The following THRAP3 variants were observed in gnomAD, a reference collection of about 807,000 sequenced individuals.
THRAP3 encodes the protein thyroid hormone receptor-associated protein 3.
THRAP3 carries 16 observed loss-of-function variants against 101.0 expected under a neutral mutation model. That is an observed-to-expected ratio of 0.16 (90% confidence interval 0.11 to 0.24). THRAP3 has a LOEUF of 0.24. Among genes scored for constraint, THRAP3 ranks in the 10% least tolerant of loss-of-function variants. THRAP3 has a pLI of 1.00. For missense variants in THRAP3, 989 were observed against 1,202.7 expected (o/e 0.82, Z 2.63); for synonymous variants, 407 against 422.6 (o/e 0.96, Z 0.45).
chr1:36,239,257 CTTTTTT>C (rs34860552), intron 1 of THRAP3, among the ~76,000 whole-genome samples: 4 of 108,210 alleles, frequency 3.7e-5, no homozygotes, highest in Non-Finnish European at 5.5e-5. Context: ...CCAGGCTGGT[CTTTTTT>C]TTTTTTTTTT....
At chr1:36,244,381 G>T (rs896862144) in intron 1 of THRAP3, among the ~76,000 whole-genome samples, 2 of 152,058 alleles carry the variant, frequency 1.3e-5, no homozygotes. Flanking sequence ...ATTAAAAAAA[G>T]AAAAAGTCTT....
intron 9 of THRAP3, among the ~76,000 whole-genome samples, chr1:36,298,771 C>T (rs1645986415): frequency 6.6e-6 from 1 of 152,072 alleles, no homozygotes; most frequent in Admixed American, 6.6e-5. Context: ...CCTCCCAAAG[C>T]ATGGGATTAC....
the THRAP3 span, among the ~76,000 whole-genome samples, chr1:36,213,029 C>T: frequency 6.6e-6 from 1 of 152,138 alleles, no homozygotes; most frequent in Non-Finnish European, 1.5e-5. Flanking sequence ...ATGACTGGAA[C>T]ACTGTGTATG....
chr1:36,282,772 T>G (rs1462306209), intron 3 of THRAP3, 72 bp downstream of exon 3: 2 of 1,575,340 alleles, frequency 1.3e-6, no homozygotes, highest in East Asian at 4.5e-5. Context: ...AGATCTTTTG[T>G]TAGACTTTTC....
chr1:36,287,343 AAGTT>A (rs1463832712), intron 4 of THRAP3, 73 bp downstream of exon 4: 14 of 1,466,762 alleles, frequency 9.5e-6, no homozygotes, highest in South Asian at 8.5e-5. Context: ...AATGTGATCT[AAGTT>A]AGAGCTCTGA....
At chr1:36,300,299 A>G (rs1285115021) in intron 9 of THRAP3, among the ~76,000 whole-genome samples, 1 of 152,220 alleles carries the variant, frequency 6.6e-6, no homozygotes, top group Non-Finnish European at 1.5e-5. Flanking sequence ...GAGCTAGGTT[A>G]GAATCCAGAC....
chr1:36,210,726 T>TCATATATATATATA, the THRAP3 span, among the ~76,000 whole-genome samples: 1 of 1,850 alleles, frequency 5.4e-4, no homozygotes, highest in African/African-American at 1.1e-3. Flanking sequence ...TATATATATA[T>TCATATATATATATA]ATATATATAT....
intron 1 of THRAP3, among the ~76,000 whole-genome samples, chr1:36,253,944 A>G (rs1379544947): frequency 6.6e-6 from 1 of 151,346 alleles, no homozygotes; most frequent in Non-Finnish European, 1.5e-5. Flanking sequence ...AACATTATCA[A>G]CTCTGCAGCA....
intron 1 of THRAP3, among the ~76,000 whole-genome samples, chr1:36,237,033 A>G (rs6425972): frequency 0.95 from 143,903 of 152,194 alleles, 68,577 homozygotes; most frequent in Middle Eastern, 1. Context: ...AAAATTAGCC[A>G]GGCGTGGTGG....
intron 10 of THRAP3, among the ~76,000 whole-genome samples, 182 bp downstream of exon 10, chr1:36,301,266 TAATCACTTAGCTAG>T (rs1247423431): frequency 6.6e-6 from 1 of 152,228 alleles, no homozygotes; most frequent in African/African-American, 2.4e-5. Flanking sequence ...TTTCTGTTCA[TAATCACTTAGCTAG>T]AAAGCCTCTT....
chr1:36,211,742 T>C, the THRAP3 span, among the ~76,000 whole-genome samples: 3 of 152,266 alleles, frequency 2.0e-5, no homozygotes, highest in African/African-American at 7.2e-5. Context: ...ACTAGAGTGT[T>C]TGGTTTGCTT....
At chr1:36,295,545 T>TTTCC (rs55705007) in intron 8 of THRAP3, among the ~76,000 whole-genome samples, 2,267 of 145,390 alleles carry the variant, frequency 0.016, 45 homozygotes, top group African/African-American at 0.034. Context: ...AGAGAAGTTT[T>TTTCC]TTCCTTCCTT....
At chr1:36,240,747 T>A (rs1645145285) in intron 1 of THRAP3, among the ~76,000 whole-genome samples, 1 of 152,180 alleles carries the variant, frequency 6.6e-6, no homozygotes, top group Non-Finnish European at 1.5e-5. Flanking sequence ...TTTTTTTTCT[T>A]GTGTATATTT....
chr1:36,212,422 T>C, the THRAP3 span, among the ~76,000 whole-genome samples: 507 of 145,996 alleles, frequency 3.5e-3, 2 homozygotes, highest in East Asian at 0.011. Flanking sequence ...TTCTTTCTTT[T>C]TTTTTTTTTT....
chr1:36,241,626 T>C (rs566040595), intron 1 of THRAP3, among the ~76,000 whole-genome samples: 55 of 150,404 alleles, frequency 3.7e-4, no homozygotes, highest in African/African-American at 1.3e-3. Context: ...TTGCCCAGGC[T>C]GGAGTGCAGT....
chr1:36,301,645 G>T lies in THRAP3; in HGVS notation c.2595G>T (p.Arg865=), dbSNP rs775894932. The T allele has an allele frequency of 6.2e-7, 1 of 1,614,028 alleles. No homozygotes were observed. Among genetic ancestry groups the T allele is most frequent in the Non-Finnish European group, 8.5e-7 (1 of 1,180,036 alleles). ...NSNNDFQKRN[R]EEEWDPEYTP... ...ACAACGATTTTCAAAAAAGAAACCG[G>T]GAAGAGGAGTGGGACCCAGAGTACA... Residue 865 remains arginine (R), a synonymous_variant, in exon 11 of 12, where the codon CGG becomes CGT. Coordinates refer to ENST00000354618, the MANE Select transcript of THRAP3 (RefSeq NM_005119.4).
At chr1:36,245,459 A>G (rs1301752334) in intron 1 of THRAP3, among the ~76,000 whole-genome samples, 1 of 152,104 alleles carries the variant, frequency 6.6e-6, no homozygotes, top group African/African-American at 2.4e-5. Flanking sequence ...GTGAGCCACC[A>G]CGCCTGGGTC....
chr1:36,304,646 C>T lies in THRAP3; in HGVS notation c.*629C>T, dbSNP rs1646076352. 1 of 221,324 alleles carries T rather than the reference C, an allele frequency of 4.5e-6. No individual in the cohort carries two copies. The highest frequency in any genetic ancestry group is 6.5e-5 in the East Asian group (1 of 15,270). The allele number at this position is 221,324 out of a possible 1,614,324, so 13.7% of individuals were successfully genotyped here. ...AGGAGGAGTTTAAGGCCTTTCCGAC[C>T]ACCTTGTGTTCCCCTTTTCTGCGCA... is the stretch of plus-strand genomic sequence containing the variant. On this transcript the variant is annotated 3_prime_UTR_variant, in exon 12 of 12. Coordinates refer to ENST00000354618, the MANE Select transcript of THRAP3 (RefSeq NM_005119.4).
intron 11 of THRAP3, 134 bp downstream of exon 11, chr1:36,301,830 C>T (rs1468639929): frequency 9.0e-7 from 1 of 1,112,436 alleles, no homozygotes. Context: ...GGCATGTGTA[C>T]TTGCATAGTG....
Sources: gnomAD v4.1 joint callset for allele counts (sites outside exome capture counted in the v4.1 genomes callset) on GRCh38, gnomAD v4.1.1 for gene constraint, MANE v1.5 for transcripts, NCBI Gene and HGNC (gene_info 2026-07-23, HGNC 2026-07-21) for gene names.